Variants in RSU1 observed in about 807,000 individuals in gnomAD.
The protein encoded by RSU1 is rsu-1.
In RSU1, 26 loss-of-function variants were observed where a neutral mutation model predicts 31.1. The ratio of observed to expected loss-of-function variants is 0.84; its 90% confidence interval spans 0.61 to 1.16. The LOEUF is 1.16. Among genes scored for constraint, RSU1 ranks in the 50% most tolerant of loss-of-function variants. The pLI is 0.00. For missense variants in RSU1, 320 were observed against 339.1 expected (o/e 0.94, Z 0.44); for synonymous variants, 164 against 136.3 (o/e 1.20, Z -1.41).
At chr10:16,730,582 A>T (rs1167865843) in intron 7 of RSU1, among the ~76,000 whole-genome samples, 1 of 152,178 alleles carries the variant, frequency 6.6e-6, no homozygotes, top group East Asian at 1.9e-4. Flanking sequence ...AGTTCTGACA[A>T]AATTGTAAGA....
chr10:16,594,051 T>G (rs1434919787), intron 8 of RSU1, among the ~76,000 whole-genome samples: 2 of 152,234 alleles, frequency 1.3e-5, no homozygotes, highest in African/African-American at 4.8e-5. Flanking sequence ...ATGGCATTCA[T>G]TGCGCAGCGA....
Position 16,695,086 on chromosome 10 carries a change from G to A in RSU1, c.668C>T (p.Ala223Val). Residue 223 changes from alanine (A) to valine (V), a missense_variant, in exon 8 of 9, where the codon GCA becomes GTA. Ala to Val is a moderately conservative substitution (Grantham distance 64). Coordinates refer to ENST00000345264, the MANE Select transcript of RSU1 (RefSeq NM_012425.4). ...AENNPWVTPI[A>V]DQFQLGVSHV... is the part of the protein sequence containing the mutation. ...GGACACGCCAAGCTGGAACTGGTCT[G>A]CAATGGGGGTCACCCAGGGATTGTT... 2 of 1,591,196 alleles carry A rather than the reference G, an allele frequency of 1.3e-6. No individual in the cohort carries two copies. Among genetic ancestry groups the A allele is most frequent in the South Asian group, 2.2e-5 (2 of 90,566 alleles).
intron 2 of RSU1, among the ~76,000 whole-genome samples, chr10:16,798,577 G>A (rs141805450): frequency 6.6e-6 from 1 of 152,294 alleles, no homozygotes; most frequent in African/African-American, 2.4e-5. Flanking sequence ...CTTCCGCCAT[G>A]ATTGTAAGTT....
At position 16,816,959 on chromosome 10, in the gene RSU1, G is replaced by C. The variant is rs1287007325; in HGVS notation, c.109+14C>G. The C allele has an allele frequency of 6.4e-7, 1 of 1,568,060 alleles. No homozygotes were observed. Among genetic ancestry groups the C allele is most frequent in the African/African-American group, 1.3e-5 (1 of 74,086 alleles). The stretch of plus-strand genomic sequence containing the variant: ...TCCAGCTCATCCACGGGAGAGTCCT[G>C]CCCGAGAACTCACAGAGGCCGTTGA... On this transcript the variant is annotated intron_variant, in intron 2 of 8. Transcript: ENST00000345264.
intron 2 of RSU1, among the ~76,000 whole-genome samples, chr10:16,805,230 C>G (rs1427050268): frequency 1.3e-5 from 2 of 151,322 alleles, no homozygotes; most frequent in African/African-American, 2.4e-5. Context: ...AATAATAACG[C>G]ATCAATATTG....
intron 2 of RSU1, among the ~76,000 whole-genome samples, chr10:16,792,611 C>T: frequency 6.6e-6 from 1 of 152,322 alleles, no homozygotes; most frequent in Admixed American, 6.5e-5. Flanking sequence ...TCAAAGGAGT[C>T]TGCCTTGTTT....
intron 8 of RSU1, among the ~76,000 whole-genome samples, chr10:16,615,862 T>A (rs1423796486): frequency 6.6e-6 from 1 of 152,152 alleles, no homozygotes; most frequent in Non-Finnish European, 1.5e-5. Flanking sequence ...ATCTCTGGGA[T>A]GTAGCTAAAG....
intron 8 of RSU1, among the ~76,000 whole-genome samples, chr10:16,659,467 T>C (rs898513747): frequency 2.6e-5 from 4 of 152,198 alleles, no homozygotes; most frequent in Non-Finnish European, 5.9e-5. Flanking sequence ...ATGTATGATC[T>C]TGTAACTGCA....
At chr10:16,776,083 T>G (rs905183385) in intron 3 of RSU1, among the ~76,000 whole-genome samples, 1 of 152,214 alleles carries the variant, frequency 6.6e-6, no homozygotes, top group Non-Finnish European at 1.5e-5. Flanking sequence ...AACTACAGAC[T>G]TAAGAACAGC....
chr10:16,652,392 C>CAAAAAA (rs71505091), intron 8 of RSU1, among the ~76,000 whole-genome samples: 12 of 89,116 alleles, frequency 1.3e-4, no homozygotes, highest in East Asian at 3.5e-4. Context: ...TGCCCCAAAG[C>CAAAAAA]AAAAAAAAAA....
chr10:16,691,511 A>C (rs1346691061), intron 8 of RSU1, among the ~76,000 whole-genome samples: 1 of 151,978 alleles, frequency 6.6e-6, no homozygotes, highest in Admixed American at 6.6e-5. Flanking sequence ...GGACAAAAAA[A>C]CTGAAATACA....
chr10:16,596,910 A>G (rs556865462), intron 8 of RSU1, among the ~76,000 whole-genome samples: 38 of 152,098 alleles, frequency 2.5e-4, no homozygotes, highest in African/African-American at 8.9e-4. Flanking sequence ...TTTAGTAGAG[A>G]GGGGGTTTCG....
At chr10:16,698,826 T>C (rs1306192067) in intron 7 of RSU1, among the ~76,000 whole-genome samples, 1 of 152,212 alleles carries the variant, frequency 6.6e-6, no homozygotes, top group Admixed American at 6.5e-5. Flanking sequence ...TCTTCACTTA[T>C]ATCACTTCCA....
chr10:16,795,695 C>T (rs2131665639), intron 2 of RSU1, among the ~76,000 whole-genome samples: 1 of 152,336 alleles, frequency 6.6e-6, no homozygotes, highest in African/African-American at 2.4e-5. Context: ...AATTTGCCAA[C>T]TGCATGGCAT....
chr10:16,622,838 G>A (rs1472232061), intron 8 of RSU1, among the ~76,000 whole-genome samples: 1 of 152,172 alleles, frequency 6.6e-6, no homozygotes, highest in Non-Finnish European at 1.5e-5. Flanking sequence ...TGGCCTCAGG[G>A]CCCCTGAACA....
At chr10:16,705,442 T>C (rs1226277527) in intron 7 of RSU1, among the ~76,000 whole-genome samples, 1 of 152,212 alleles carries the variant, frequency 6.6e-6, no homozygotes, top group Non-Finnish European at 1.5e-5. Context: ...TTTTAAAATA[T>C]GTATCTTTAA....
intron 7 of RSU1, among the ~76,000 whole-genome samples, chr10:16,724,441 T>C (rs1488034906): frequency 6.6e-6 from 1 of 152,142 alleles, no homozygotes; most frequent in Non-Finnish European, 1.5e-5. Flanking sequence ...GCATTAGCAA[T>C]GAACACATGG....
chr10:16,703,281 T>C (rs534792066), intron 7 of RSU1, among the ~76,000 whole-genome samples: 2 of 152,330 alleles, frequency 1.3e-5, no homozygotes, highest in South Asian at 2.1e-4. Flanking sequence ...AACAGACTAA[T>C]ACAGCAGCGT....
intron 8 of RSU1, among the ~76,000 whole-genome samples, chr10:16,615,788 G>A (rs978509208): frequency 5.3e-5 from 8 of 152,152 alleles, no homozygotes; most frequent in African/African-American, 1.2e-4. Flanking sequence ...GGTAAATAAC[G>A]AAATTAAGGC....
Sources: allele counts gnomAD v4.1 joint callset (sites outside exome capture counted in the v4.1 genomes callset), GRCh38; gene constraint gnomAD v4.1.1; transcripts MANE v1.5; gene names NCBI Gene and HGNC (gene_info 2026-07-23, HGNC 2026-07-21).